The following BAZ2B variants were observed in gnomAD, a reference collection of about 807,000 sequenced individuals.
The protein encoded by BAZ2B is bromodomain adjacent to zinc finger domain 2B, also known as bromodomain adjacent to zinc finger domain protein 2B.
In BAZ2B, 91 loss-of-function variants were observed where a neutral mutation model predicts 246.0. The ratio of observed to expected loss-of-function variants is 0.37; its 90% confidence interval spans 0.31 to 0.44. The LOEUF (loss-of-function observed/expected upper bound fraction) is 0.44, where lower values mean the gene tolerates loss of function less well. BAZ2B is among the 20% of genes least tolerant of loss of function. The pLI, the probability that BAZ2B is intolerant of heterozygous loss-of-function variation, is 1.00. For missense variants in BAZ2B, 2,332 were observed against 2,533.7 expected (o/e 0.92, Z 1.71); for synonymous variants, 855 against 860.0 (o/e 0.99, Z 0.10).
At chr2:159,691,772 G>A in the BAZ2B span, among the ~76,000 whole-genome samples, 3 of 152,186 alleles carry the variant, frequency 2.0e-5, no homozygotes, top group East Asian at 1.9e-4. Context: ...AATTGCAAAA[G>A]ATCACTTTTT....
chr2:159,534,628 T>C (rs2085732881), intron 2 of BAZ2B, among the ~76,000 whole-genome samples: 1 of 151,378 alleles, frequency 6.6e-6, no homozygotes, highest in Non-Finnish European at 1.5e-5. Context: ...ACATAATTTC[T>C]TCTTTTTTTT....
chr2:159,596,183 G>A (rs1690663701), intron 1 of BAZ2B, among the ~76,000 whole-genome samples: 1 of 152,088 alleles, frequency 6.6e-6, no homozygotes, highest in South Asian at 2.1e-4. Context: ...TACACTCTTA[G>A]GACTTGTTGA....
At chr2:159,327,704 A>C (rs754701852) in intron 34 of BAZ2B, among the ~76,000 whole-genome samples, 2 of 152,236 alleles carry the variant, frequency 1.3e-5, no homozygotes, top group Non-Finnish European at 2.9e-5. Context: ...CAAAACATTT[A>C]GTTTCTATTT....
At chr2:159,596,217 T>A (rs2151733141) in intron 1 of BAZ2B, among the ~76,000 whole-genome samples, 1 of 152,360 alleles carries the variant, frequency 6.6e-6, no homozygotes, top group South Asian at 2.1e-4. Flanking sequence ...GTTTTCATTG[T>A]ACATAGGTTG....
intron 13 of BAZ2B, among the ~76,000 whole-genome samples, chr2:159,413,865 A>G (rs2067219238): frequency 8.9e-6 from 1 of 112,480 alleles, no homozygotes; most frequent in South Asian, 3.0e-4. Flanking sequence ...AGGTCGCTCA[A>G]AAAACTAAAA....
At chr2:159,412,244 A>G in intron 14 of BAZ2B, 91 bp downstream of exon 14, 2 of 1,289,082 alleles carry the variant, frequency 1.6e-6, no homozygotes, top group Non-Finnish European at 2.2e-6. Context: ...AAAAATTGAG[A>G]GCAGTGTCAA....
Position 159,429,307 on chromosome 2 carries a change from A to G in BAZ2B, c.2195-47T>C, listed in dbSNP as rs563627132. 18 of 1,113,832 alleles carry G rather than the reference A, an allele frequency of 1.6e-5. 1 individual carries two copies. In the South Asian group the frequency reaches 2.5e-4, roughly 16 times the overall value. 69.0% of individuals were successfully genotyped at this position (1,113,832 alleles called of 1,614,324 possible). A position where few individuals can be genotyped will look rare whatever the true frequency, so the allele number is the denominator to read the frequency against. ...TAATATAAAACATTCATTAATATAA[A>G]TAATAATATTGATAGTTTAGAAACT... On this transcript the variant is annotated intron_variant, in intron 10 of 36. Transcript: ENST00000392783.
intron 8 of BAZ2B, among the ~76,000 whole-genome samples, chr2:159,436,130 A>G (rs1398815755): frequency 1.3e-5 from 2 of 152,180 alleles, no homozygotes; most frequent in African/African-American, 4.8e-5. Flanking sequence ...GAACATAATT[A>G]TGTCATGTAA....
At chr2:159,582,676 G>A (rs1192463971) in intron 1 of BAZ2B, among the ~76,000 whole-genome samples, 3 of 151,778 alleles carry the variant, frequency 2.0e-5, no homozygotes, top group African/African-American at 7.3e-5. Context: ...TAAGCCACTG[G>A]GCCTGGATGT....
chr2:159,442,701 C>T (rs778394898), intron 6 of BAZ2B, among the ~76,000 whole-genome samples: 16 of 152,172 alleles, frequency 1.1e-4, no homozygotes, highest in African/African-American at 2.9e-4. Context: ...CATTCTACTT[C>T]GGTCTATAAT....
chr2:159,678,881 G>C, the BAZ2B span, among the ~76,000 whole-genome samples: 1 of 152,026 alleles, frequency 6.6e-6, no homozygotes, highest in Non-Finnish European at 1.5e-5. Flanking sequence ...AACAATATAG[G>C]TTTGTCTTGT....
At chr2:159,707,733 A>C in the BAZ2B span, among the ~76,000 whole-genome samples, 1 of 152,228 alleles carries the variant, frequency 6.6e-6, no homozygotes, top group East Asian at 1.9e-4. Flanking sequence ...AGGCTGAGGA[A>C]GGAGAATCGC....
At chr2:159,339,406 G>A (rs2066244611) in intron 31 of BAZ2B, among the ~76,000 whole-genome samples, 1 of 152,066 alleles carries the variant, frequency 6.6e-6, no homozygotes, top group Non-Finnish European at 1.5e-5. Context: ...ATTCTGCCAG[G>A]AACCAAGCAC....
intron 3 of BAZ2B, among the ~76,000 whole-genome samples, chr2:159,466,341 A>T (rs907022839): frequency 6.6e-6 from 1 of 152,198 alleles, no homozygotes; most frequent in African/African-American, 2.4e-5. Context: ...TTAAGTTTTA[A>T]GTCTTAGTCC....
chr2:159,382,530 T>C (rs1390244653), intron 25 of BAZ2B, 29 bp downstream of exon 25: 2 of 1,541,964 alleles, frequency 1.3e-6, no homozygotes, highest in Non-Finnish European at 1.7e-6. Flanking sequence ...CAGTTCTAGT[T>C]GTCTTAAAAT....
chr2:159,347,080 T>C (rs1188377756), intron 31 of BAZ2B, among the ~76,000 whole-genome samples: 1 of 152,212 alleles, frequency 6.6e-6, no homozygotes, highest in Non-Finnish European at 1.5e-5. Context: ...AGGAAGTTCA[T>C]GGCCCTATAT....
intron 8 of BAZ2B, among the ~76,000 whole-genome samples, chr2:159,436,600 A>T (rs990343886): frequency 2.0e-5 from 3 of 152,034 alleles, no homozygotes; most frequent in Non-Finnish European, 4.4e-5. Context: ...AATACAAAAA[A>T]ATTAGCTGGG....
the BAZ2B span, among the ~76,000 whole-genome samples, chr2:159,655,560 T>A: frequency 6.6e-6 from 1 of 152,204 alleles, no homozygotes; most frequent in South Asian, 2.1e-4. Context: ...CTACCAAAAC[T>A]GGGAGGTGTT....
At chr2:159,552,036 T>C (rs1417801052) in intron 2 of BAZ2B, among the ~76,000 whole-genome samples, 1 of 152,204 alleles carries the variant, frequency 6.6e-6, no homozygotes, top group East Asian at 1.9e-4. Context: ...AAGGTTTTTC[T>C]AACCCCAAGT....
Sources: gnomAD v4.1 joint callset for allele counts (sites outside exome capture counted in the v4.1 genomes callset) on GRCh38, gnomAD v4.1.1 for gene constraint, MANE v1.5 for transcripts, NCBI Gene and HGNC (gene_info 2026-07-23, HGNC 2026-07-21) for gene names.